Variants in GRHL2 observed in about 807,000 individuals in gnomAD.
GRHL2 encodes the protein grainyhead-like protein 2 homolog.
A neutral mutation model predicts 83.8 loss-of-function variants in GRHL2; 21 were observed. That is an observed-to-expected ratio of 0.25 (90% CI 0.18 to 0.36). GRHL2 has a LOEUF of 0.36. Among genes scored for constraint, GRHL2 ranks in the 10% least tolerant of loss-of-function variants. GRHL2 has a pLI of 1.00. For synonymous variants in GRHL2, 280 were observed against 278.9 expected, an observed-to-expected ratio of 1.00 and a Z score of -0.04; for missense variants, 623 against 781.8, an observed-to-expected ratio of 0.80 and a Z score of 2.42.
At chr8:101,584,121 A>G (rs1016996953) in intron 7 of GRHL2, among the ~76,000 whole-genome samples, 1 of 152,208 alleles carries the variant, frequency 6.6e-6, no homozygotes, top group African/African-American at 2.4e-5. Context: ...TCTTTATTCA[A>G]TCTCTGTCTT....
At chr8:101,661,478 AAC>A (rs536186383) in intron 14 of GRHL2, among the ~76,000 whole-genome samples, 1 of 152,148 alleles carries the variant, frequency 6.6e-6, no homozygotes, top group African/African-American at 2.4e-5. Context: ...ATTTGCCTGT[AAC>A]ACACACACAT....
At chr8:101,498,610 T>C (rs960763807) in intron 1 of GRHL2, among the ~76,000 whole-genome samples, 8 of 152,198 alleles carry the variant, frequency 5.3e-5, no homozygotes, top group African/African-American at 1.7e-4. Context: ...AGATCTTCTG[T>C]TGGCCTACAG....
At position 101,582,393 on chromosome 8, in the gene GRHL2, T is replaced by C. The variant is rs912595094; in HGVS notation, c.1003+4874T>C. ...CAGAGAGTAGGGTTAAGGAAGGGAGTCCTCAGTACATGGGGCTGTGGAAAG... is the reference window on the plus strand; with the variant it reads ...CAGAGAGTAGGGTTAAGGAAGGGAGCCCTCAGTACATGGGGCTGTGGAAAG... On this transcript the variant is annotated intron_variant, in intron 7 of 15. Transcript: ENST00000646743. 2.0e-5 allele frequency among the ~76,000 whole-genome samples: 3 copies of C among 152,046 alleles called. No individual in the cohort carries two copies. In the South Asian group the frequency reaches 6.2e-4, roughly 32 times the overall value.
At chr8:101,548,360 G>T (rs988932794) in intron 2 of GRHL2, among the ~76,000 whole-genome samples, 2 of 152,168 alleles carry the variant, frequency 1.3e-5, no homozygotes, top group Non-Finnish European at 2.9e-5. Flanking sequence ...GGAGGTCAAT[G>T]CTCAAAAAGG....
At chr8:101,670,976 G>T (rs1372848858), downstream of GRHL2, among the ~76,000 whole-genome samples, 3 of 152,198 alleles carry the variant, frequency 2.0e-5, no homozygotes, top group Non-Finnish European at 4.4e-5. Context: ...CTATAGTGGG[G>T]CCTCTGATCA....
chr8:101,501,340 T>C (rs574399493), intron 1 of GRHL2, among the ~76,000 whole-genome samples: 9 of 152,354 alleles, frequency 5.9e-5, no homozygotes, highest in Non-Finnish European at 7.3e-5. Context: ...AAAGCAAGAA[T>C]TGCTTGTGGC....
At chr8:101,554,233 C>T (rs181443867) in intron 3 of GRHL2, among the ~76,000 whole-genome samples, 1 of 152,308 alleles carries the variant, frequency 6.6e-6, no homozygotes, top group African/African-American at 2.4e-5. Flanking sequence ...TAGGGATCTC[C>T]TGAAGCTCCA....
At chr8:101,526,784 T>C (rs1367162222) in intron 1 of GRHL2, among the ~76,000 whole-genome samples, 2 of 152,202 alleles carry the variant, frequency 1.3e-5, no homozygotes, top group Non-Finnish European at 2.9e-5. Flanking sequence ...AATTGCTGTA[T>C]TTCGGTATGC....
chr8:101,555,184 C>G (rs608799), intron 3 of GRHL2, among the ~76,000 whole-genome samples: 1 of 152,042 alleles, frequency 6.6e-6, no homozygotes, highest in Non-Finnish European at 1.5e-5. Context: ...TTTGGCAAAG[C>G]CAATGAGACT....
Position 101,654,160 on chromosome 8 carries a change from G to A in GRHL2, c.1698+4661G>A, listed in dbSNP as rs1478061498. On this transcript the variant is annotated intron_variant, in intron 14 of 15. Coordinates refer to ENST00000646743, the MANE Select transcript of GRHL2 (RefSeq NM_024915.4). The stretch of plus-strand genomic sequence containing the variant: ...CTCTCTGTTGAGAAAGGAACTCATA[G>A]TCTTCCAGGGCCAGCAGAATTCACA... Among the ~76,000 whole-genome samples, 8 of 152,320 alleles carry A rather than the reference G, an allele frequency of 5.3e-5. No homozygotes were observed. The East Asian group carries it at 1.5e-3, about 29-fold the overall frequency.
Position 101,644,239 on chromosome 8 carries a change from T to C in GRHL2, c.1612+14T>C. On this transcript the variant is annotated intron_variant, in intron 13 of 15. Coordinates refer to ENST00000646743, the MANE Select transcript of GRHL2 (RefSeq NM_024915.4). Reference sequence around the variant, plus strand: ...GGACAAAGCGAGGTATCTCTCCTGCTGGGGCATGCCCTCTCAGAAGGGATG... The same window carrying C: ...GGACAAAGCGAGGTATCTCTCCTGCCGGGGCATGCCCTCTCAGAAGGGATG... 1.2e-6 allele frequency: 2 copies of C among 1,603,570 alleles called. No individual in the cohort carries two copies. Among genetic ancestry groups the C allele is most frequent in the Non-Finnish European group, 1.7e-6 (2 of 1,171,540 alleles).
At chr8:101,523,905 T>C (rs1179343555) in intron 1 of GRHL2, among the ~76,000 whole-genome samples, 1 of 152,196 alleles carries the variant, frequency 6.6e-6, no homozygotes, top group Non-Finnish European at 1.5e-5. Flanking sequence ...ATAACCTTAT[T>C]TGTTTTGACT....
At chr8:101,519,966 C>T (rs1810650163) in intron 1 of GRHL2, among the ~76,000 whole-genome samples, 3 of 152,248 alleles carry the variant, frequency 2.0e-5, no homozygotes, top group South Asian at 4.2e-4. Flanking sequence ...CCATTAGAAG[C>T]CCATCTAAAT....
chr8:101,664,234 T>G (rs1813993083), intron 14 of GRHL2, among the ~76,000 whole-genome samples: 1 of 152,254 alleles, frequency 6.6e-6, no homozygotes, highest in African/African-American at 2.4e-5. Context: ...GCTACTTTTA[T>G]CATAGATTGA....
chr8:101,620,184 C>A (rs957845510), intron 9 of GRHL2, among the ~76,000 whole-genome samples: 21 of 152,144 alleles, frequency 1.4e-4, no homozygotes, highest in African/African-American at 5.1e-4. Flanking sequence ...GACACAAATT[C>A]TATCATAAAG....
At chr8:101,542,454 C>A (rs748526153) in intron 1 of GRHL2, among the ~76,000 whole-genome samples, 2 of 151,328 alleles carry the variant, frequency 1.3e-5, no homozygotes, top group Non-Finnish European at 2.9e-5. Flanking sequence ...ACTTGGGAGG[C>A]TGAGGCAGAG....
chr8:101,628,227 G>C (rs534701165), intron 9 of GRHL2, among the ~76,000 whole-genome samples: 25 of 152,152 alleles, frequency 1.6e-4, no homozygotes, highest in Non-Finnish European at 3.4e-4. Flanking sequence ...TCTCGTTAGG[G>C]GCTAATGCAG....
intron 7 of GRHL2, among the ~76,000 whole-genome samples, 193 bp downstream of exon 7, chr8:101,577,712 G>A (rs985226923): frequency 2.0e-5 from 3 of 152,184 alleles, no homozygotes; most frequent in East Asian, 1.9e-4. Flanking sequence ...AGAGCAAAGC[G>A]TTTTCTATTC....
At chr8:101,665,373 T>C (rs142336447) in intron 15 of GRHL2, among the ~76,000 whole-genome samples, 1 of 152,348 alleles carries the variant, frequency 6.6e-6, no homozygotes, top group Non-Finnish European at 1.5e-5. Flanking sequence ...ATGAGTCAAC[T>C]CTTCTCCGGA....
Sources: gnomAD v4.1 joint callset for allele counts (sites outside exome capture counted in the v4.1 genomes callset) on GRCh38, gnomAD v4.1.1 for gene constraint, MANE v1.5 for transcripts, NCBI Gene and HGNC (gene_info 2026-07-23, HGNC 2026-07-21) for gene names.